Variants in IFT140 observed in about 807,000 individuals in gnomAD.
IFT140 encodes the protein intraflagellar transport 140, also known as intraflagellar transport protein 140 homolog.
In IFT140, 133 loss-of-function variants were observed where a neutral mutation model predicts 164.6. That is an observed-to-expected ratio of 0.81 (90% CI 0.70 to 0.93). The LOEUF is 0.93. Among genes scored for constraint, IFT140 ranks in the 40% least tolerant of loss-of-function variants. The probability of loss-of-function intolerance (pLI) is 0.00; values close to 1 mark genes in which losing one functional copy is unlikely to be tolerated. For missense variants in IFT140, 2,045 were observed against 1,972.3 expected (o/e 1.04, Z -0.70); for synonymous variants, 860 against 817.3 (o/e 1.05, Z -0.89).
In IFT140 at chr16:1,564,176, G is replaced by C; in HGVS notation, c.1902-14C>G. The C allele has an allele frequency of 6.4e-7, 1 of 1,554,314 alleles. No individual in the cohort carries two copies. On this transcript the variant is annotated splice_polypyrimidine_tract_variant and intron_variant, in intron 16 of 30. Coordinates refer to ENST00000426508, the MANE Select transcript of IFT140 (RefSeq NM_014714.4). The surrounding 1 kb of genome is among the most constrained non-coding windows in gnomAD (Gnocchi z 5.5). ...AAGAGGTGGCTCCTAAAAGACAAAGGAAGACCCGTTTCAACCCCAGGGCGG... is the reference window on the plus strand; with the variant it reads ...AAGAGGTGGCTCCTAAAAGACAAAGCAAGACCCGTTTCAACCCCAGGGCGG...
intron 19 of IFT140, among the ~76,000 whole-genome samples, chr16:1,530,064 G>A (rs905596101): frequency 1.3e-5 from 2 of 151,168 alleles, no homozygotes; most frequent in African/African-American, 2.4e-5. Context: ...TGGCCGCTTC[G>A]TAAACACCAC....
In IFT140 at chr16:1,593,949, C is replaced by T. The variant is rs147439131; in HGVS notation, c.370-1361G>A. On this transcript the variant is annotated intron_variant, in intron 4 of 30. Transcript: ENST00000426508. The stretch of plus-strand genomic sequence containing the variant: ...GGGTGGAGCATCCATGTAAACCACC[C>T]GGGCTTCTTCAGCATGGGAGACCTG... 1.4e-4 allele frequency among the ~76,000 whole-genome samples: 22 copies of T among 152,324 alleles called. No individual in the cohort carries two copies. The East Asian group carries it at 3.3e-3, about 23-fold the overall frequency.
chr16:1,599,873 T>G (rs2035696817), intron 4 of IFT140, among the ~76,000 whole-genome samples: 1 of 96,012 alleles, frequency 1.0e-5, no homozygotes, highest in African/African-American at 6.1e-5. Context: ...GTCCGGGAGG[T>G]GAGGGGCGCC....
At chr16:1,562,809 A>T (rs2033489674) in intron 17 of IFT140, among the ~76,000 whole-genome samples, 1 of 152,100 alleles carries the variant, frequency 6.6e-6, no homozygotes, top group African/African-American at 2.4e-5. Flanking sequence ...CAGTGGCACC[A>T]CCAACAAAGA....
At chr16:1,543,490 G>C (rs964807582) in intron 19 of IFT140, among the ~76,000 whole-genome samples, 1 of 152,230 alleles carries the variant, frequency 6.6e-6, no homozygotes, top group African/African-American at 2.4e-5. Flanking sequence ...GGGGCCTCGA[G>C]GCTTCAGTGG....
intron 19 of IFT140, chr16:1,534,132 A>G (rs1197350109): frequency 1.9e-6 from 2 of 1,039,964 alleles, no homozygotes; most frequent in Non-Finnish European, 2.7e-6. Flanking sequence ...CACCTGGACC[A>G]TCCCATGGGC....
chr16:1,520,939 T>C, intron 26 of IFT140, 131 bp from the exon 27 acceptor site: 1 of 735,290 alleles, frequency 1.4e-6, no homozygotes, highest in Non-Finnish European at 2.2e-6. Context: ...CTGGGGTGGG[T>C]ATGGAGGGGA....
At chr16:1,584,442 G>C (rs963578216) in intron 10 of IFT140, 22 bp from the exon 11 acceptor site, 6 of 1,572,618 alleles carry the variant, frequency 3.8e-6, no homozygotes, top group Non-Finnish European at 5.2e-6. Context: ...GGTTGCAAGA[G>C]AAAGAACCAG....
chr16:1,510,532 C>A lies in IFT140; in HGVS notation c.*412G>T, dbSNP rs933376128. On this transcript the variant is annotated 3_prime_UTR_variant, in exon 31 of 31. Transcript: ENST00000426508. ...CAAGGCCCGGGTGTCCCAGCTGTTG[C>A]TCAGGAGCCGTGGGCCCTGCAGGAG... 18 of 256,746 alleles carry A rather than the reference C, an allele frequency of 7.0e-5. No homozygotes were observed. Among genetic ancestry groups the A allele is most frequent in the African/African-American group, 4.1e-4 (18 of 43,376 alleles). The allele number at this position is 256,746 out of a possible 1,614,324, so 15.9% of individuals were successfully genotyped here.
At position 1,589,704 on chromosome 16, in the gene IFT140, G is replaced by T. The variant is rs2035074704; in HGVS notation, c.711C>A (p.Phe237Leu). The T allele has an allele frequency of 6.2e-7, 1 of 1,614,124 alleles. No individual in the cohort carries two copies. The highest frequency in any genetic ancestry group is 8.5e-7 in the Non-Finnish European group (1 of 1,180,020). The change falls in exon 7 of 31, where the codon TTC (phenylalanine) becomes TTA (leucine). Residue 237 changes from phenylalanine to leucine, a missense_variant. Physicochemically the swap from Phe to Leu is conservative, Grantham distance 22 (BLOSUM62 0). Transcript: ENST00000426508. Reference protein sequence around the residue: ...VSADSTIQMLFYMEKREALVV... With the variant: ...VSADSTIQMLLYMEKREALVV... ...CCAGTGCCTCCCTCTTCTCCATGTA[G>T]AACAGCATCTGAATCGTGCTGTCTG...
At chr16:1,607,319 C>A in intron 2 of IFT140, 22 bp from the exon 3 acceptor site, 1 of 1,552,764 alleles carries the variant, frequency 6.4e-7, no homozygotes, top group Non-Finnish European at 8.7e-7. Flanking sequence ...AAAAAATGAC[C>A]AAGTCCAATC....
chr16:1,524,678 G>T lies in IFT140; in HGVS notation c.3015C>A (p.Asn1005Lys). Residue 1005 changes from asparagine (N) to lysine (K), a missense_variant, in exon 24 of 31, where the codon AAC becomes AAA. Physicochemically the swap from Asn to Lys is moderately conservative, Grantham distance 94. Coordinates refer to ENST00000426508, the MANE Select transcript of IFT140 (RefSeq NM_014714.4). ...GNVQKAAQIA[N>K]ETGNLAASYH... is the part of the protein sequence containing the mutation. Reference sequence around the variant, plus strand: ...AGGAGGCCGCCAGGTTTCCTGTCTCGTTGGCTATTTGCGCAGCCTAGAAAG... The same window carrying T: ...AGGAGGCCGCCAGGTTTCCTGTCTCTTTGGCTATTTGCGCAGCCTAGAAAG... 1 of 1,576,330 alleles carries T rather than the reference G, an allele frequency of 6.3e-7. No homozygotes were observed. The highest frequency in any genetic ancestry group is 1.4e-5 in the African/African-American group (1 of 74,048).
intron 18 of IFT140, among the ~76,000 whole-genome samples, chr16:1,559,573 A>C (rs913828129): frequency 6.6e-6 from 1 of 151,970 alleles, no homozygotes; most frequent in African/African-American, 2.4e-5. Flanking sequence ...AGTTACGAAA[A>C]CTCCCTCTAT....
intron 27 of IFT140, 118 bp downstream of exon 27, chr16:1,520,484 G>A: frequency 7.4e-7 from 1 of 1,352,416 alleles, no homozygotes; most frequent in Non-Finnish European, 1.0e-6. Flanking sequence ...GCTCTTCCTG[G>A]CCAGAAAGGC....
Position 1,564,060 on chromosome 16 carries a change from C to T in IFT140, c.2004G>A (p.Glu668=), listed in dbSNP as rs766063186. 1 of 1,604,594 alleles carries T rather than the reference C, an allele frequency of 6.2e-7. No homozygotes were observed. The highest frequency in any genetic ancestry group is 8.5e-7 in the Non-Finnish European group (1 of 1,172,610). Residue 668 remains glutamate, a synonymous_variant, in exon 17 of 31, where the codon GAG becomes GAA. Coordinates refer to ENST00000426508, the MANE Select transcript of IFT140 (RefSeq NM_014714.4). The surrounding 1 kb of genome is among the most constrained non-coding windows in gnomAD (Gnocchi z 5.5). ...CAGACTGAGGCTGGGAGCGCGGCGT[C>T]TCCTGCACGGCTTCGCATACAAACA... ...PRLFVCEAVQ[E]TPRSQPQSAN... is the part of the protein sequence containing the mutation.
intron 3 of IFT140, chr16:1,604,274 C>CGTGTGTGTGTGTATGT (rs2035942775): frequency 7.7e-6 from 1 of 129,812 alleles, no homozygotes. Flanking sequence ...GCTGCAAGGG[C>CGTGTGTGTGTGTATGT]GTGTGTGTGT....
chr16:1,605,720 G>A (rs1360143133), intron 3 of IFT140, among the ~76,000 whole-genome samples: 1 of 152,094 alleles, frequency 6.6e-6, no homozygotes, highest in Non-Finnish European at 1.5e-5. Context: ...TTTCTTTATG[G>A]AATATGAGGT....
chr16:1,592,049 C>T (rs1195408515), intron 6 of IFT140, 127 bp downstream of exon 6: 2 of 1,053,344 alleles, frequency 1.9e-6, no homozygotes, highest in East Asian at 4.9e-5. Flanking sequence ...CACACGTCAT[C>T]TTTCTGTGCA....
chr16:1,512,219 G>A (rs1596283627), intron 30 of IFT140, among the ~76,000 whole-genome samples: 1 of 128,110 alleles, frequency 7.8e-6, no homozygotes, highest in African/African-American at 2.9e-5. Flanking sequence ...GCAGGATGGG[G>A]GGCAGGACAG....
Sources: gnomAD v4.1 joint callset for allele counts (sites outside exome capture counted in the v4.1 genomes callset) on GRCh38, gnomAD v4.1.1 for gene constraint, Gnocchi (gnomAD v3.1) non-coding constraint, MANE v1.5 for transcripts, NCBI Gene and HGNC (gene_info 2026-07-23, HGNC 2026-07-21) for gene names.